The following TNR variants were observed in gnomAD, a reference collection of about 807,000 sequenced individuals.
TNR encodes tenascin R, also known as tenascin-R.
In TNR, 45 loss-of-function variants were observed where a neutral mutation model predicts 150.4. The ratio of observed to expected loss-of-function variants is 0.30; its 90% CI spans 0.24 to 0.38. The LOEUF (loss-of-function observed/expected upper bound fraction) is 0.38, where lower values mean the gene tolerates loss of function less well. Among genes scored for constraint, TNR ranks in the 10% least tolerant of loss-of-function variants. The pLI, the probability that TNR is intolerant of heterozygous loss-of-function variation, is 1.00. For synonymous variants in TNR, 687 were observed against 678.4 expected (o/e 1.01, Z -0.20); for missense variants, 1,544 against 1,759.1 (o/e 0.88, Z 2.19).
intron 2 of TNR, among the ~76,000 whole-genome samples, chr1:175,526,241 C>T (rs909300997): frequency 6.6e-6 from 1 of 152,100 alleles, no homozygotes. Flanking sequence ...GTACTAACAG[C>T]ATTAATATCA....
intron 4 of TNR, among the ~76,000 whole-genome samples, chr1:175,401,914 T>C (rs1319236167): frequency 6.6e-6 from 1 of 152,250 alleles, no homozygotes; most frequent in Non-Finnish European, 1.5e-5. Context: ...ACTTAATCTG[T>C]ACTGTTTAAA....
chr1:175,341,562 C>T (rs761952820), intron 18 of TNR, among the ~76,000 whole-genome samples: 1 of 152,174 alleles, frequency 6.6e-6, no homozygotes, highest in Non-Finnish European at 1.5e-5. Context: ...CTACATGACA[C>T]GCAGTGCAGT....
At chr1:175,338,158 G>T (rs1473616981) in intron 18 of TNR, among the ~76,000 whole-genome samples, 2 of 152,228 alleles carry the variant, frequency 1.3e-5, no homozygotes, top group African/African-American at 4.8e-5. Context: ...AAAGCTTTCT[G>T]TCATCTTTAC....
chr1:175,643,423 T>A (rs1664722731), intron 1 of TNR, among the ~76,000 whole-genome samples: 1 of 152,186 alleles, frequency 6.6e-6, no homozygotes, highest in Admixed American at 6.5e-5. Context: ...GTGCCTCAGT[T>A]TCTTCATATA....
chr1:175,650,840 A>G (rs1029068199), intron 1 of TNR, among the ~76,000 whole-genome samples: 9 of 16,764 alleles, frequency 5.4e-4, no homozygotes, highest in South Asian at 1.8e-3. Flanking sequence ...CCCCTCCCCC[A>G]CCTCATTACT....
At chr1:175,716,764 G>T (rs978903486) in intron 1 of TNR, among the ~76,000 whole-genome samples, 9 of 152,214 alleles carry the variant, frequency 5.9e-5, no homozygotes, top group Non-Finnish European at 1.0e-4. Context: ...TTTAAAGCCT[G>T]CTCAGGTGAC....
chr1:175,586,853 C>T (rs547858284), intron 1 of TNR, among the ~76,000 whole-genome samples: 271 of 152,314 alleles, frequency 1.8e-3, no homozygotes, highest in Non-Finnish European at 3.1e-3. Flanking sequence ...TCATTCTGGT[C>T]ACTTCAGGCA....
intron 10 of TNR, 117 bp downstream of exon 10, chr1:175,367,091 G>C: frequency 3.7e-6 from 3 of 820,246 alleles, no homozygotes; most frequent in South Asian, 3.2e-5. Context: ...GTTGTCACCA[G>C]AGCCCTGTTC....
intron 2 of TNR, among the ~76,000 whole-genome samples, chr1:175,455,463 G>T (rs1043244619): frequency 6.6e-6 from 1 of 152,206 alleles, no homozygotes; most frequent in East Asian, 1.9e-4. Flanking sequence ...TCAAAAGAAA[G>T]ATCCTTGCTG....
At chr1:175,660,788 G>A (rs1003814363) in intron 1 of TNR, among the ~76,000 whole-genome samples, 2 of 152,280 alleles carry the variant, frequency 1.3e-5, no homozygotes, top group African/African-American at 2.4e-5. Flanking sequence ...AAACCATGGA[G>A]CACTGAGTCT....
At chr1:175,522,720 C>T (rs903383357) in intron 2 of TNR, among the ~76,000 whole-genome samples, 1 of 152,044 alleles carries the variant, frequency 6.6e-6, no homozygotes, top group Non-Finnish European at 1.5e-5. Context: ...AAAAGATGCC[C>T]CCCCACAAAA....
chr1:175,660,356 A>C (rs561868167), intron 1 of TNR, among the ~76,000 whole-genome samples: 4 of 152,342 alleles, frequency 2.6e-5, no homozygotes, highest in African/African-American at 9.6e-5. Context: ...CTCCAGAGGC[A>C]GGCCCTGGGG....
rs115943105 is a variant in TNR at position 175,628,184 on chromosome 1, T to G, written c.-164-99815A>C. On this transcript the variant is annotated intron_variant, in intron 1 of 22. Transcript: ENST00000367674. ...TCTGCAGACCACACTCTGAGAAATGTTGCCATAAGGCAGCAAGGAAAATGT... is the reference window on the plus strand; with the variant it reads ...TCTGCAGACCACACTCTGAGAAATGGTGCCATAAGGCAGCAAGGAAAATGT... Among the ~76,000 whole-genome samples the G allele has an allele frequency of 3.3e-3, 501 of 152,324 alleles. 6 individuals are homozygous for G. Among genetic ancestry groups the G allele is most frequent in the African/African-American group, 0.011 (471 of 41,580 alleles).
At chr1:175,452,119 G>A (rs1230102213) in intron 2 of TNR, among the ~76,000 whole-genome samples, 1 of 152,176 alleles carries the variant, frequency 6.6e-6, no homozygotes, top group Non-Finnish European at 1.5e-5. Context: ...ATCGTGCACC[G>A]GTGCCTCCCT....
At chr1:175,616,596 A>T (rs1663783795) in intron 1 of TNR, among the ~76,000 whole-genome samples, 1 of 152,148 alleles carries the variant, frequency 6.6e-6, no homozygotes, top group South Asian at 2.1e-4. Context: ...AGCTGAGGGG[A>T]TCACGGGGCT....
intron 18 of TNR, among the ~76,000 whole-genome samples, chr1:175,349,615 C>G (rs138067897): frequency 6.6e-6 from 1 of 152,074 alleles, no homozygotes; most frequent in Admixed American, 6.5e-5. Context: ...TATCAAATGC[C>G]TGCCTATGGA....
chr1:175,622,553 C>T (rs1664014428), intron 1 of TNR, among the ~76,000 whole-genome samples: 1 of 152,222 alleles, frequency 6.6e-6, no homozygotes, highest in Non-Finnish European at 1.5e-5. Flanking sequence ...GCCACTCACA[C>T]CCTGTCCTTT....
chr1:175,575,112 G>A (rs141740207), intron 1 of TNR, among the ~76,000 whole-genome samples: 1 of 152,352 alleles, frequency 6.6e-6, no homozygotes, highest in Non-Finnish European at 1.5e-5. Context: ...TGGCTTGTGA[G>A]TGGAGGTACA....
intron 1 of TNR, among the ~76,000 whole-genome samples, chr1:175,740,129 A>G (rs1166434725): frequency 6.6e-6 from 1 of 152,234 alleles, no homozygotes; most frequent in African/African-American, 2.4e-5. Context: ...TTACCCAGTA[A>G]CAATAGCCTC....
Sources: allele counts gnomAD v4.1 joint callset (sites outside exome capture counted in the v4.1 genomes callset), GRCh38; gene constraint gnomAD v4.1.1; transcripts MANE v1.5; gene names NCBI Gene and HGNC (gene_info 2026-07-23, HGNC 2026-07-21).